SHISAL2A: variants seen among roughly 807,000 people sequenced by gnomAD.
The protein encoded by SHISAL2A is protein shisa-like-2A.
SHISAL2A carries 18 observed loss-of-function variants against 11.5 expected under a neutral mutation model. The ratio of observed to expected loss-of-function variants is 1.57; its 90% CI spans 1.08 to 2.33. The LOEUF is 2.33. Among genes scored for constraint, SHISAL2A ranks in the 30% most tolerant of loss-of-function variants. The probability of loss-of-function intolerance (pLI) is 0.00; values close to 1 mark genes in which losing one functional copy is unlikely to be tolerated. For missense variants in SHISAL2A, 261 were observed against 250.9 expected (o/e 1.04, Z -0.27); for synonymous variants, 94 against 99.6 (o/e 0.94, Z 0.34).
At chr1:52,668,661 C>A (rs957720169) in exon 6 of SHISAL2A, 1 of 152,216 alleles carries the variant, frequency 6.6e-6, no homozygotes, top group Non-Finnish European at 1.5e-5. Context: ...TCTAGGAGAC[C>A]AGCCGTTACC....
intron 4 of SHISAL2A, among the ~76,000 whole-genome samples, chr1:52,663,643 C>A (rs1349528299): frequency 6.6e-6 from 1 of 152,142 alleles, no homozygotes; most frequent in Non-Finnish European, 1.5e-5. Context: ...TGCCTGTGAT[C>A]CCAGCTACTC....
chr1:52,639,622 G>A (rs1421380497), intron 1 of SHISAL2A, among the ~76,000 whole-genome samples: 1 of 151,640 alleles, frequency 6.6e-6, no homozygotes, highest in African/African-American at 2.4e-5. Context: ...GCGTGGTGGC[G>A]GGTGCTTGTA....
rs977296754 is a variant in SHISAL2A at position 52,664,738 on chromosome 1, C to T, written n.696-2661C>T. ...GTCTCCATCTCCTGACCTCGTGATC[C>T]GCCTGCCTCGGCCTCCCAAAGTGCT... On this transcript the variant is annotated intron_variant and non_coding_transcript_variant, in intron 4 of 5. Coordinates refer to the SHISAL2A transcript ENST00000401050. Among the ~76,000 whole-genome samples, 5 of 152,090 alleles carry T rather than the reference C, an allele frequency of 3.3e-5. No individual in the cohort carries two copies. In the South Asian group the frequency reaches 6.2e-4, roughly 19 times the overall value.
chr1:52,649,688 A>T (rs1691583805), intron 2 of SHISAL2A, among the ~76,000 whole-genome samples: 2 of 152,194 alleles, frequency 1.3e-5, no homozygotes, highest in South Asian at 4.1e-4. Flanking sequence ...AGGACTTCAA[A>T]CACATCATCC....
At chr1:52,640,663 T>C (rs1220423127) in intron 1 of SHISAL2A, among the ~76,000 whole-genome samples, 1 of 151,460 alleles carries the variant, frequency 6.6e-6, no homozygotes, top group Non-Finnish European at 1.5e-5. Context: ...CCCTGGTTCC[T>C]GAGTTGAAGC....
At chr1:52,650,235 C>G (rs997459506) in intron 2 of SHISAL2A, among the ~76,000 whole-genome samples, 1 of 152,150 alleles carries the variant, frequency 6.6e-6, no homozygotes, top group African/African-American at 2.4e-5. Context: ...AGGGGGAAAA[C>G]CTGAGAACTC....
intron 1 of SHISAL2A, among the ~76,000 whole-genome samples, chr1:52,640,886 G>A (rs1691349653): frequency 6.6e-6 from 1 of 152,164 alleles, no homozygotes; most frequent in South Asian, 2.1e-4. Context: ...TGTGATTAGA[G>A]CACTGGAACT....
chr1:52,639,624 G>A (rs1012410678), intron 1 of SHISAL2A, among the ~76,000 whole-genome samples: 4 of 151,708 alleles, frequency 2.6e-5, no homozygotes, highest in Admixed American at 6.6e-5. Flanking sequence ...GTGGTGGCGG[G>A]TGCTTGTAGT....
intron 2 of SHISAL2A, among the ~76,000 whole-genome samples, chr1:52,644,649 G>A (rs558512116): frequency 7.2e-5 from 11 of 152,110 alleles, no homozygotes; most frequent in South Asian, 4.2e-4. Context: ...GCTTGAACCC[G>A]GGAGGCGGAG....
At chr1:52,651,225 T>C (rs900028808) in intron 2 of SHISAL2A, among the ~76,000 whole-genome samples, 3 of 151,442 alleles carry the variant, frequency 2.0e-5, no homozygotes, top group Admixed American at 6.6e-5. Context: ...ATCTCCAATA[T>C]TGCAAAGGTT....
chr1:52,651,872 G>A (rs7555289), intron 2 of SHISAL2A, among the ~76,000 whole-genome samples: 20,736 of 152,220 alleles, frequency 0.14, 3,463 homozygotes, highest in African/African-American at 0.39. Flanking sequence ...AGGGAAAGAA[G>A]TAGAAAAATT....
In SHISAL2A at chr1:52,657,037, A is replaced by G. The variant is rs776998219; in HGVS notation, c.570A>G (p.Pro190=). The G allele has an allele frequency of 5.7e-6, 9 of 1,590,532 alleles. No individual in the cohort carries two copies. In the South Asian group the frequency reaches 7.9e-5, roughly 14 times the overall value. The change falls in exon 3 of 3, where the codon CCA becomes CCG. Residue 190 remains proline (P), a synonymous_variant. Coordinates refer to ENST00000517870, the MANE Select transcript of SHISAL2A (RefSeq NM_001042693.3). ...VPNPDLCGPV[P] is the part of the protein sequence containing the mutation. ...ACCCTGACCTATGTGGACCAGTCCC[A>G]TAAACATTCAATAAATGTCTCCATA...
chr1:52,653,124 T>C (rs1348315035), intron 2 of SHISAL2A, among the ~76,000 whole-genome samples: 1 of 150,134 alleles, frequency 6.7e-6, no homozygotes, highest in Non-Finnish European at 1.5e-5. Context: ...ACAGTTACTC[T>C]AAAATAAATG....
At chr1:52,639,342 T>A (rs1476480117) in intron 1 of SHISAL2A, among the ~76,000 whole-genome samples, 1 of 152,234 alleles carries the variant, frequency 6.6e-6, no homozygotes, top group South Asian at 2.1e-4. Context: ...TGTATAGTTA[T>A]GCATATATGT....
At chr1:52,634,354 A>G (rs929817496) in intron 1 of SHISAL2A, among the ~76,000 whole-genome samples, 8 of 152,220 alleles carry the variant, frequency 5.3e-5, no homozygotes, top group Admixed American at 2.6e-4. Flanking sequence ...GGCACTCTCT[A>G]CTGAGCACTT....
chr1:52,658,677 A>G (rs1691845831), downstream of SHISAL2A, among the ~76,000 whole-genome samples: 1 of 152,238 alleles, frequency 6.6e-6, no homozygotes, highest in South Asian at 2.1e-4. Context: ...CTTATTATTA[A>G]TCTGATCGCA....
rs142789121 is a variant in SHISAL2A at position 52,640,918 on chromosome 1, C to T, written c.183-1945C>T. On this transcript the variant is annotated intron_variant, in intron 1 of 2. Transcript: ENST00000517870. ...AACTTACAGCCCCACCTCACTCCAA[C>T]CTCCAGGGAGGGGAGAGGGCCCAGA... Among the ~76,000 whole-genome samples the T allele has an allele frequency of 2.3e-3, 348 of 152,250 alleles. 1 individual carries two copies. The highest frequency in any genetic ancestry group is 6.6e-3 in the African/African-American group (275 of 41,540).
At chr1:52,644,598 C>T (rs1412757821) in intron 2 of SHISAL2A, among the ~76,000 whole-genome samples, 1 of 152,300 alleles carries the variant, frequency 6.6e-6, no homozygotes. Flanking sequence ...GTGGCAGGCA[C>T]CTGTAATCCC....
At chr1:52,657,371 G>A (rs1691813291), downstream of SHISAL2A, among the ~76,000 whole-genome samples, 1 of 152,166 alleles carries the variant, frequency 6.6e-6, no homozygotes, top group Non-Finnish European at 1.5e-5. Flanking sequence ...GTATTTAGGA[G>A]CCCCTGAGAA....
Sources: gnomAD v4.1 joint callset for allele counts (sites outside exome capture counted in the v4.1 genomes callset) on GRCh38, gnomAD v4.1.1 for gene constraint, MANE v1.5 for transcripts, NCBI Gene and HGNC (gene_info 2026-07-23, HGNC 2026-07-21) for gene names.